Variants in CHST9 observed in about 807,000 individuals in gnomAD.
The protein encoded by CHST9 is GalNAc-4-sulfotransferase 2.
A neutral mutation model predicts 44.4 loss-of-function variants in CHST9; 41 were observed. The ratio of observed to expected loss-of-function variants is 0.92; its 90% CI spans 0.72 to 1.20. CHST9 has a LOEUF of 1.20. Ranked by LOEUF, CHST9 falls within the 50% of genes most tolerant of loss-of-function variation. CHST9 has a pLI of 0.00. For synonymous variants in CHST9, 171 were observed against 178.4 expected (o/e 0.96, Z 0.33); for missense variants, 504 against 516.5 (o/e 0.98, Z 0.23).
At chr18:27,172,175 T>G (rs1466120670) in intron 1 of CHST9, among the ~76,000 whole-genome samples, 1 of 152,200 alleles carries the variant, frequency 6.6e-6, no homozygotes, top group Non-Finnish European at 1.5e-5. Context: ...AATAATTACC[T>G]ACACAAATTG....
At chr18:26,923,216 A>G (rs1341420515) in intron 5 of CHST9, among the ~76,000 whole-genome samples, 1 of 152,238 alleles carries the variant, frequency 6.6e-6, no homozygotes, top group Non-Finnish European at 1.5e-5. Context: ...GGCTCCAGCA[A>G]GATACTATTG....
At chr18:26,949,633 T>C (rs1181476327) in intron 4 of CHST9, among the ~76,000 whole-genome samples, 2 of 152,188 alleles carry the variant, frequency 1.3e-5, no homozygotes, top group Admixed American at 1.3e-4. Flanking sequence ...TTACAGAAGC[T>C]GACATGACAA....
At chr18:27,107,563 C>G (rs892833917) in intron 2 of CHST9, among the ~76,000 whole-genome samples, 1 of 152,168 alleles carries the variant, frequency 6.6e-6, no homozygotes, top group African/African-American at 2.4e-5. Flanking sequence ...TACACTGCAG[C>G]TAGAATAAAA....
intron 2 of CHST9, among the ~76,000 whole-genome samples, chr18:27,072,408 T>C (rs1195134474): frequency 2.0e-5 from 3 of 152,122 alleles, no homozygotes; most frequent in Non-Finnish European, 4.4e-5. Flanking sequence ...ATGATGAACA[T>C]TGAAGACAGA....
intron 2 of CHST9, among the ~76,000 whole-genome samples, chr18:27,112,331 C>T (rs575388675): frequency 6.6e-6 from 1 of 151,148 alleles, no homozygotes; most frequent in South Asian, 2.1e-4. Context: ...TCTGCATATA[C>T]ATAATTAAAT....
intron 4 of CHST9, among the ~76,000 whole-genome samples, chr18:27,023,196 T>A (rs2057245792): frequency 6.6e-6 from 1 of 152,082 alleles, no homozygotes; most frequent in Admixed American, 6.5e-5. Flanking sequence ...TAATATATCA[T>A]TTTTTTCTTG....
chr18:27,115,879 T>G (rs1419613389), intron 2 of CHST9, among the ~76,000 whole-genome samples: 1 of 152,224 alleles, frequency 6.6e-6, no homozygotes, highest in African/African-American at 2.4e-5. Context: ...TAGATTTGCA[T>G]TTCCCTGATG....
intron 2 of CHST9, among the ~76,000 whole-genome samples, chr18:27,068,868 G>A (rs557546203): frequency 6.6e-6 from 1 of 152,298 alleles, no homozygotes; most frequent in East Asian, 1.9e-4. Context: ...CAAACGTGAT[G>A]TAAGAATGGA....
At chr18:27,119,804 G>C (rs1445828118) in intron 2 of CHST9, among the ~76,000 whole-genome samples, 1 of 152,070 alleles carries the variant, frequency 6.6e-6, no homozygotes, top group African/African-American at 2.4e-5. Flanking sequence ...TCTTAAAAGA[G>C]TCTTTTCATT....
chr18:26,931,230 A>G (rs185475583), intron 5 of CHST9, among the ~76,000 whole-genome samples: 1 of 152,288 alleles, frequency 6.6e-6, no homozygotes, highest in African/African-American at 2.4e-5. Context: ...CAATTCTGTA[A>G]TCTGCACCTT....
At chr18:27,004,656 A>C (rs1465822896) in intron 4 of CHST9, among the ~76,000 whole-genome samples, 2 of 152,128 alleles carry the variant, frequency 1.3e-5, no homozygotes, top group East Asian at 3.8e-4. Context: ...CCAATTTCAA[A>C]ATCTCTTTCA....
chr18:27,134,939 A>G (rs2058501425), intron 2 of CHST9, among the ~76,000 whole-genome samples: 1 of 152,046 alleles, frequency 6.6e-6, no homozygotes, highest in Non-Finnish European at 1.5e-5. Context: ...TCAGTTAGAC[A>G]GAGACAATTA....
intron 1 of CHST9, among the ~76,000 whole-genome samples, chr18:27,165,356 C>G (rs1366588909): frequency 1.3e-5 from 2 of 152,114 alleles, no homozygotes; most frequent in Non-Finnish European, 2.9e-5. Context: ...ATAACATTTA[C>G]ATTGTCATAA....
intron 2 of CHST9, among the ~76,000 whole-genome samples, chr18:27,053,256 A>G (rs12966676): frequency 1.9e-3 from 155 of 80,548 alleles, no homozygotes; most frequent in African/African-American, 4.1e-3. Context: ...GAAGAAGAAG[A>G]AGAAGGAGAA....
intron 2 of CHST9, among the ~76,000 whole-genome samples, chr18:27,053,780 T>A (rs1480699427): frequency 6.6e-6 from 1 of 152,096 alleles, no homozygotes; most frequent in Non-Finnish European, 1.5e-5. Flanking sequence ...AGTTCCCCAT[T>A]CATGCTGTTT....
intron 4 of CHST9, among the ~76,000 whole-genome samples, chr18:26,947,802 C>T (rs1171896451): frequency 6.6e-6 from 1 of 152,164 alleles, no homozygotes. Flanking sequence ...GTTGGTGGGA[C>T]TGTAAATTAG....
At chr18:27,032,501 T>G (rs1446211301) in intron 3 of CHST9, among the ~76,000 whole-genome samples, 1 of 152,208 alleles carries the variant, frequency 6.6e-6, no homozygotes, top group Non-Finnish European at 1.5e-5. Flanking sequence ...ACAGCCTCCG[T>G]CCTTCCCTCT....
chr18:26,984,041 G>C (rs776988198), intron 4 of CHST9, among the ~76,000 whole-genome samples: 2 of 152,084 alleles, frequency 1.3e-5, no homozygotes, highest in Non-Finnish European at 2.9e-5. Context: ...AAATATAAAA[G>C]TGTCCTTTTT....
intron 1 of CHST9, among the ~76,000 whole-genome samples, chr18:27,170,475 T>C (rs1337318451): frequency 1.3e-5 from 2 of 152,198 alleles, no homozygotes; most frequent in African/African-American, 4.8e-5. Flanking sequence ...GATTAAACAG[T>C]TAATCTCCCC....
Sources: allele counts gnomAD v4.1 joint callset (sites outside exome capture counted in the v4.1 genomes callset), GRCh38; gene constraint gnomAD v4.1.1; transcripts MANE v1.5; gene names NCBI Gene and HGNC (gene_info 2026-07-23, HGNC 2026-07-21).